Variants in CCDC178 observed in about 807,000 individuals in gnomAD.
CCDC178 encodes the protein coiled-coil domain containing 178.
In CCDC178, 126 loss-of-function variants were observed where a neutral mutation model predicts 117.4. The ratio of observed to expected loss-of-function variants is 1.07; its 90% CI spans 0.93 to 1.24. The LOEUF is 1.24. CCDC178 is among the 50% of genes most tolerant of loss of function. The probability of loss-of-function intolerance (pLI) is 0.00; values close to 1 mark genes in which losing one functional copy is unlikely to be tolerated. For missense variants in CCDC178, 1,030 were observed against 986.9 expected, an observed-to-expected ratio of 1.04 and a Z score of -0.59; for synonymous variants, 283 against 313.4, an observed-to-expected ratio of 0.90 and a Z score of 1.02.
At chr18:33,057,875 T>G (rs1361851005) in intron 21 of CCDC178, among the ~76,000 whole-genome samples, 1 of 152,200 alleles carries the variant, frequency 6.6e-6, no homozygotes, top group Non-Finnish European at 1.5e-5. Context: ...ACCAAAAACT[T>G]AAGCTCTATA....
chr18:33,155,552 A>G (rs1201788910), intron 20 of CCDC178, among the ~76,000 whole-genome samples: 1 of 152,186 alleles, frequency 6.6e-6, no homozygotes, highest in Non-Finnish European at 1.5e-5. Context: ...CAGGTGCATT[A>G]CTTTCTGGTG....
chr18:33,322,899 T>A (rs1317055536), intron 11 of CCDC178, among the ~76,000 whole-genome samples: 1 of 151,312 alleles, frequency 6.6e-6, no homozygotes, highest in Non-Finnish European at 1.5e-5. Context: ...CATTGATCAA[T>A]TTTTAATAAA....
At chr18:33,043,435 T>G (rs971670946) in intron 21 of CCDC178, among the ~76,000 whole-genome samples, 1 of 152,022 alleles carries the variant, frequency 6.6e-6, no homozygotes, top group African/African-American at 2.4e-5. Context: ...TACCACTGAC[T>G]AGCTGTGTGG....
At chr18:33,410,123 T>A (rs551174440) in intron 3 of CCDC178, among the ~76,000 whole-genome samples, 1 of 152,204 alleles carries the variant, frequency 6.6e-6, no homozygotes, top group East Asian at 1.9e-4. Flanking sequence ...GACTGGATCA[T>A]TTTCTGTTCC....
At chr18:33,091,968 C>T (rs1386585020) in intron 21 of CCDC178, among the ~76,000 whole-genome samples, 1 of 152,034 alleles carries the variant, frequency 6.6e-6, no homozygotes, top group Non-Finnish European at 1.5e-5. Flanking sequence ...CCATAATAGC[C>T]GTAAGTATAG....
intron 21 of CCDC178, among the ~76,000 whole-genome samples, chr18:33,027,550 C>T (rs2144848796): frequency 6.6e-6 from 1 of 151,534 alleles, no homozygotes; most frequent in East Asian, 1.9e-4. Context: ...AAATATATAT[C>T]ATAAAGCATC....
At chr18:33,205,968 G>C (rs1234828460) in intron 20 of CCDC178, among the ~76,000 whole-genome samples, 1 of 152,180 alleles carries the variant, frequency 6.6e-6, no homozygotes, top group Non-Finnish European at 1.5e-5. Context: ...TGTTGGGATT[G>C]CAGGCATGCC....
At chr18:33,357,678 TA>T (rs1486323518) in intron 6 of CCDC178, among the ~76,000 whole-genome samples, 4 of 152,092 alleles carry the variant, frequency 2.6e-5, no homozygotes, top group Non-Finnish European at 5.9e-5. Flanking sequence ...GTACAAGTCA[TA>T]AATTATCAAA....
intron 20 of CCDC178, among the ~76,000 whole-genome samples, chr18:33,111,916 A>C (rs932036350): frequency 3.3e-5 from 5 of 151,772 alleles, no homozygotes; most frequent in African/African-American, 1.2e-4. Flanking sequence ...AAGAAATGTA[A>C]CTTGAATCTT....
chr18:33,208,151 A>G (rs2059067656), intron 20 of CCDC178, among the ~76,000 whole-genome samples: 1 of 152,132 alleles, frequency 6.6e-6, no homozygotes, highest in African/African-American at 2.4e-5. Flanking sequence ...ATTGATGCTC[A>G]ATCCTATCAA....
chr18:33,167,774 G>A (rs1424444786), intron 20 of CCDC178, among the ~76,000 whole-genome samples: 1 of 152,030 alleles, frequency 6.6e-6, no homozygotes, highest in Non-Finnish European at 1.5e-5. Context: ...GGCTGAGAGA[G>A]GAGAATTGCA....
At chr18:33,419,348 A>G (rs2063991357) in intron 2 of CCDC178, among the ~76,000 whole-genome samples, 1 of 152,250 alleles carries the variant, frequency 6.6e-6, no homozygotes, top group African/African-American at 2.4e-5. Context: ...CCTGGAAGAT[A>G]ACCTAGGAAA....
intron 12 of CCDC178, among the ~76,000 whole-genome samples, chr18:33,281,679 A>G (rs2060027846): frequency 6.6e-6 from 1 of 152,220 alleles, no homozygotes; most frequent in African/African-American, 2.4e-5. Flanking sequence ...TAAGGTTTTA[A>G]GAATTTTGGA....
At chr18:33,342,647 TGA>T (rs1251043559) in intron 9 of CCDC178, among the ~76,000 whole-genome samples, 1 of 152,088 alleles carries the variant, frequency 6.6e-6, no homozygotes, top group Non-Finnish European at 1.5e-5. Context: ...CCAAAGAGGA[TGA>T]GAGAGACATG....
intron 2 of CCDC178, among the ~76,000 whole-genome samples, chr18:33,419,897 G>A (rs2064000337): frequency 6.6e-6 from 1 of 151,580 alleles, no homozygotes; most frequent in Non-Finnish European, 1.5e-5. Context: ...ATTCAACCCA[G>A]CAATCTTTCT....
intron 14 of CCDC178, among the ~76,000 whole-genome samples, chr18:33,247,990 A>G (rs1454297406): frequency 6.6e-6 from 1 of 151,858 alleles, no homozygotes; most frequent in Non-Finnish European, 1.5e-5. Flanking sequence ...TTGAGAAAAA[A>G]ATAGGACCAC....
intron 9 of CCDC178, among the ~76,000 whole-genome samples, chr18:33,335,644 A>G (rs1414631453): frequency 6.6e-6 from 1 of 152,066 alleles, no homozygotes; most frequent in Non-Finnish European, 1.5e-5. Flanking sequence ...TTAACCAATT[A>G]TTAAATTAAT....
intron 5 of CCDC178, among the ~76,000 whole-genome samples, chr18:33,386,198 T>C (rs1298322769): frequency 6.6e-6 from 1 of 152,108 alleles, no homozygotes; most frequent in East Asian, 1.9e-4. Context: ...AGTTCTGAAA[T>C]TGAGGCAGTA....
intron 20 of CCDC178, among the ~76,000 whole-genome samples, chr18:33,147,906 C>T (rs1195184815): frequency 2.0e-5 from 3 of 152,050 alleles, no homozygotes; most frequent in East Asian, 3.9e-4. Flanking sequence ...GGGTGGCTGC[C>T]GGGCAGAGGG....
Sources: allele counts gnomAD v4.1 joint callset (sites outside exome capture counted in the v4.1 genomes callset), GRCh38; gene constraint gnomAD v4.1.1; transcripts MANE v1.5; gene names NCBI Gene and HGNC (gene_info 2026-07-23, HGNC 2026-07-21).